PIEZO1: variants seen among roughly 807,000 people sequenced by gnomAD.
PIEZO1 encodes piezo-type mechanosensitive ion channel component 1.
In PIEZO1, 296 loss-of-function variants were observed where a neutral mutation model predicts 297.2. The ratio of observed to expected loss-of-function variants is 1.00; its 90% CI spans 0.91 to 1.10. The LOEUF (loss-of-function observed/expected upper bound fraction) is 1.10, where lower values mean the gene tolerates loss of function less well. Ranked by LOEUF, PIEZO1 falls within the 50% of genes least tolerant of loss-of-function variation. The pLI is 0.00. For missense variants in PIEZO1, 5,018 were observed against 3,455.5 expected, an observed-to-expected ratio of 1.45 and a Z score of -11.34; for synonymous variants, 2,427 against 1,507.5, an observed-to-expected ratio of 1.61 and a Z score of -14.13.
rs1267542586 is a variant in PIEZO1, at chr16:88,723,328, G to A, written c.4336C>T (p.Leu1446=). ...PRPSAQSAFQ[L]AYQAWVTNAQ... is the part of the protein sequence containing the mutation. ...TTGGTCACCCATGCCTGGTACGCCA[G>A]CTGTCGGCCAGCCCCCGGGTTAGGA... Residue 1446 remains leucine (L), a splice_region_variant and synonymous_variant, in exon 32 of 51, where the codon CTG becomes TTG. Transcript: ENST00000301015. The A allele has an allele frequency of 1.3e-6, 2 of 1,537,726 alleles. No homozygotes were observed. Among genetic ancestry groups the A allele is most frequent in the East Asian group, 2.4e-5 (1 of 40,910 alleles).
intron 1 of PIEZO1, among the ~76,000 whole-genome samples, chr16:88,763,214 G>C (rs1018022014): frequency 6.6e-6 from 1 of 152,164 alleles, no homozygotes; most frequent in Non-Finnish European, 1.5e-5. Flanking sequence ...GCGGCTCAGG[G>C]CACTTACGGG....
At chr16:88,734,586 T>C (rs1024773651) in intron 15 of PIEZO1, 48 bp from the exon 16 acceptor site, 5 of 1,546,684 alleles carry the variant, frequency 3.2e-6, no homozygotes, top group Non-Finnish European at 4.4e-6. Flanking sequence ...GCAGAGCCGC[T>C]GCAGCCCCGG....
Position 88,720,746 on chromosome 16 carries a change from C to A in PIEZO1, c.5671G>T (p.Ala1891Ser). 6.7e-7 allele frequency: 1 copy of A among 1,490,854 alleles called. No homozygotes were observed. The highest frequency in any genetic ancestry group is 8.9e-7 in the Non-Finnish European group (1 of 1,121,528). 92.4% of individuals were successfully genotyped at this position (1,490,854 alleles called of 1,614,324 possible). Residue 1891 changes from alanine (A) to serine (S), a missense_variant and splice_region_variant, in exon 40 of 51, where the codon GCT (alanine) becomes TCT (serine). Physicochemically the swap from Ala to Ser is moderately conservative, Grantham distance 99. Transcript: ENST00000301015. ...PARKGAAAIE[A>S]EDREEEEGEE... Reference sequence around the variant, plus strand: ...CCCTCTTCTTCCTCCCTGTCCTCAGCTTCTGTAGGGAAAAGCTGACTTCTG... The same window carrying A: ...CCCTCTTCTTCCTCCCTGTCCTCAGATTCTGTAGGGAAAAGCTGACTTCTG...
chr16:88,736,353 C>G lies in PIEZO1; in HGVS notation c.1352G>C (p.Cys451Ser). 6.5e-7 allele frequency: 1 copy of G among 1,550,080 alleles called. No individual in the cohort carries two copies. The highest frequency in any genetic ancestry group is 1.7e-4 in the Middle Eastern group (1 of 5,928). The change falls in exon 12 of 51, where the codon TGC becomes TCC. Residue 451 changes from cysteine to serine, a missense_variant. Transcript: ENST00000301015. ...GCGGCTGCGCACCGTCCAGATGAGG[C>G]AGGCCCAGAGCAGCAGTACGAAGGT... ...WLTFVLLLWA[C>S]LIWTVRSRHQ...
At chr16:88,766,894 G>C (rs890955266) in intron 1 of PIEZO1, among the ~76,000 whole-genome samples, 2 of 152,228 alleles carry the variant, frequency 1.3e-5, no homozygotes, top group African/African-American at 2.4e-5. Context: ...ACTGGCTAGA[G>C]TGGGCCTCAG....
chr16:88,721,432 T>G lies in PIEZO1; in HGVS notation c.5404-2A>C. The G allele has an allele frequency of 6.5e-7, 1 of 1,545,848 alleles. No individual in the cohort carries two copies. The highest frequency in any genetic ancestry group is 8.7e-7 in the Non-Finnish European group (1 of 1,143,608). ...CTCATGGTCCCAGAGGCCATAGCAC[T>G]GAGGGGCGGGAGGGTGTGGTGAGGG... On this transcript the variant is annotated splice_acceptor_variant, in intron 38 of 50. Coordinates refer to ENST00000301015, the MANE Select transcript of PIEZO1 (RefSeq NM_001142864.4). LOFTEE classifies it high-confidence loss of function.
In PIEZO1 at chr16:88,728,296, G is replaced by A. The variant is rs905329238; in HGVS notation, c.3197-635C>T. Among the ~76,000 whole-genome samples, 13 of 152,256 alleles carry A rather than the reference G, an allele frequency of 8.5e-5. No homozygotes were observed. The East Asian group carries it at 1.2e-3, about 14-fold the overall frequency. ...GGAGGCGTGTGAGGCAGGGAGGGTC[G>A]GTCCCTAAGGACTGAGGGCATGGAT... On this transcript the variant is annotated intron_variant, in intron 22 of 50. Transcript: ENST00000301015.
Position 88,716,474 on chromosome 16 carries a change from C to A in PIEZO1, c.6936G>T (p.Ala2312=), listed in dbSNP as rs566985926. Reference sequence around the variant, plus strand: ...TGGCATACTCCACAGTGCCTCCCTTCGCCAGGTCCCTGGGGGTGGGAACAC... The same window carrying A: ...TGGCATACTCCACAGTGCCTCCCTTAGCCAGGTCCCTGGGGGTGGGAACAC... The part of the protein sequence containing the change: ...RFTWNFQRDL[A]KGGTVEYANE... Residue 2312 remains alanine (A), a synonymous_variant, in exon 48 of 51, where the codon GCG becomes GCT. Transcript: ENST00000301015. 5.0e-5 allele frequency: 78 copies of A among 1,547,252 alleles called. 1 individual carries two copies. The highest frequency in any genetic ancestry group is 1.4e-5 in the African/African-American group (1 of 73,160).
intron 19 of PIEZO1, 61 bp from the exon 20 acceptor site, chr16:88,732,793 G>T: frequency 6.9e-7 from 1 of 1,448,490 alleles, no homozygotes; most frequent in Non-Finnish European, 9.2e-7. Flanking sequence ...GGCCCTGCCC[G>T]GAGCCCACCA....
rs114813041 is a variant in PIEZO1, at chr16:88,774,566, G to C, written c.64+10335C>G. ...GCACCTCTGTATACCACGTGGAGGA[G>C]AAACGGGTGGGCATCGCTGGCCCAG... On this transcript the variant is annotated intron_variant, in intron 1 of 50. Transcript: ENST00000301015. Among the ~76,000 whole-genome samples the C allele has an allele frequency of 4.0e-3, 615 of 152,306 alleles. 5 individuals are homozygous for C. Among genetic ancestry groups the C allele is most frequent in the African/African-American group, 0.014 (602 of 41,560 alleles).
In PIEZO1 at chr16:88,719,849, GT is replaced by G; in HGVS notation, c.6275del (p.Asn2092ThrfsTer30). 2 of 1,550,568 alleles carry G rather than the reference GT, an allele frequency of 1.3e-6. No homozygotes were observed. Among genetic ancestry groups the G allele is most frequent in the Non-Finnish European group, 8.7e-7 (1 of 1,146,948 alleles). Reference protein sequence around the residue: ...RCGYPTRILGNFLTKKYNHLN... With the variant: ...RCGYPTRILGXFLTKKYNHLN... Reference sequence around the variant, plus strand: ...GATGATTGTACTTCTTGGTGAGGAAGTTGCCGAGGATGCGGGTGGGGTAGCC... The same window carrying G: ...GATGATTGTACTTCTTGGTGAGGAAGTGCCGAGGATGCGGGTGGGGTAGCC... On this transcript the variant is annotated frameshift_variant, in exon 43 of 51. Transcript: ENST00000301015. LOFTEE classifies it high-confidence loss of function.
intron 1 of PIEZO1, 61 bp from the exon 2 acceptor site, chr16:88,749,540 G>A: frequency 7.9e-7 from 1 of 1,258,028 alleles, no homozygotes; most frequent in African/African-American, 1.5e-5. Context: ...CACCCCAGAG[G>A]ACAGCGCACC....
rs533232864 is a variant in PIEZO1, at chr16:88,715,633, A to G, written c.7538T>C (p.Met2513Thr). ...CTCCTTCTCACGAGTCCACTTGATC[A>G]TGGTCTCCGGTGAGCGGTAGAGGAA... ...LIFLYRSPET[M>T]IKWTREKE Residue 2513 changes from methionine to threonine, a missense_variant, in exon 51 of 51, where the codon ATG (methionine) becomes ACG (threonine). Met to Thr is a moderately conservative substitution (Grantham distance 81). Coordinates refer to ENST00000301015, the MANE Select transcript of PIEZO1 (RefSeq NM_001142864.4). 7.1e-6 allele frequency: 11 copies of G among 1,550,044 alleles called. No homozygotes were observed. The highest frequency in any genetic ancestry group is 1.4e-5 in the African/African-American group (1 of 73,124).
rs1256072485 is a variant in PIEZO1 at position 88,722,900 on chromosome 16, G to C, written c.4605C>G (p.His1535Gln). 1 of 1,549,222 alleles carries C rather than the reference G, an allele frequency of 6.5e-7. No individual in the cohort carries two copies. The highest frequency in any genetic ancestry group is 2.0e-5 in the Admixed American group (1 of 51,006). Residue 1535 changes from histidine to glutamine, a missense_variant, in exon 34 of 51, where the codon CAC becomes CAG. Transcript: ENST00000301015. ...GCAGCACGTCGCTCATGGTGCCGTG[G>C]TGCCGGGTGAACTCCTGCAGCCAGC... Reference protein sequence around the residue: ...LTRWLQEFTRHHGTMSDVLRA... With the variant: ...LTRWLQEFTRQHGTMSDVLRA...
intron 5 of PIEZO1, 126 bp from the exon 6 acceptor site, chr16:88,738,862 G>A: frequency 1.2e-6 from 1 of 825,888 alleles, no homozygotes; most frequent in Non-Finnish European, 1.9e-6. Flanking sequence ...GAGGGCCACA[G>A]GACAGCCTCC....
At chr16:88,742,262 A>G (rs1166990458) in intron 3 of PIEZO1, 38 bp downstream of exon 3, 4 of 1,520,252 alleles carry the variant, frequency 2.6e-6, no homozygotes, top group Non-Finnish European at 3.5e-6. Context: ...CCTGACCCCC[A>G]GGATGGCTAT....
Position 88,742,310 on chromosome 16 carries a change from C to A in PIEZO1, c.273G>T (p.Leu91=). The change falls in exon 3 of 51, where the codon CTG becomes CTT. Residue 91 remains leucine (L), a synonymous_variant. Coordinates refer to ENST00000301015, the MANE Select transcript of PIEZO1 (RefSeq NM_001142864.4). ...CCCTCAGCGACTCACAGCTGGGTCC[C>A]AGGAGCTGGTCCAGGCGGGGCACAA... is the stretch of plus-strand genomic sequence containing the variant. ...LHIVPRLDQL[L]GPSCSRWETL... is the part of the protein sequence containing the mutation. 6.5e-7 allele frequency: 1 copy of A among 1,533,500 alleles called. No homozygotes were observed. 95.0% of individuals were successfully genotyped at this position (1,533,500 alleles called of 1,614,324 possible).
chr16:88,781,137 A>AG (rs1384977340), intron 1 of PIEZO1, among the ~76,000 whole-genome samples: 1 of 152,216 alleles, frequency 6.6e-6, no homozygotes, highest in Non-Finnish European at 1.5e-5. Context: ...AGTGGGCTGC[A>AG]GCGGGCAGAT....
rs1046616013 is a variant in PIEZO1, at chr16:88,749,414, A to T, written c.130T>A (p.Phe44Ile). ...YLLFLLLLPWFPGPTRCGLQG... is the reference protein window; with the variant it reads ...YLLFLLLLPWIPGPTRCGLQG... ...AGGCCGCATCGGGTGGGGCCGGGGA[A>T]CCAGGGCAGCAGCAGCAGGAAGAGC... The change falls in exon 2 of 51, where the codon TTC (phenylalanine) becomes ATC (isoleucine). Residue 44 changes from phenylalanine to isoleucine, a missense_variant. Transcript: ENST00000301015. 3.3e-6 allele frequency: 5 copies of T among 1,521,852 alleles called. No homozygotes were observed. In the Admixed American group the frequency reaches 6.1e-5, roughly 19 times the overall value. 94.3% of individuals were successfully genotyped at this position (1,521,852 alleles called of 1,614,324 possible).
Sources: allele counts gnomAD v4.1 joint callset (sites outside exome capture counted in the v4.1 genomes callset), GRCh38; gene constraint gnomAD v4.1.1; transcripts MANE v1.5; gene names NCBI Gene and HGNC (gene_info 2026-07-23, HGNC 2026-07-21).